Variants in FRS2 observed in about 807,000 individuals in gnomAD.
FRS2 encodes the protein fibroblast growth factor receptor substrate 2.
A neutral mutation model predicts 43.9 loss-of-function variants in FRS2; 8 were observed. The observed-to-expected ratio is 0.18, with a 90% confidence interval of 0.11 to 0.33. The LOEUF (loss-of-function observed/expected upper bound fraction) is 0.33. Ranked by LOEUF, FRS2 falls within the 10% of genes least tolerant of loss-of-function variation. The pLI, the probability that FRS2 is intolerant of heterozygous loss-of-function variation, is 1.00. For synonymous variants in FRS2, 219 were observed against 220.3 expected (o/e 0.99, Z 0.05); for missense variants, 534 against 627.6 (o/e 0.85, Z 1.59).
At chr12:69,544,018 T>C (rs117103665) in intron 3 of FRS2, among the ~76,000 whole-genome samples, 1,747 of 140,500 alleles carry the variant, frequency 0.012, 13 homozygotes, top group Non-Finnish European at 0.017. Flanking sequence ...GGACAAAAAA[T>C]GACAAATGGG....
rs1000709287 is a variant in FRS2 at position 69,576,240 on chromosome 12, T to C, written c.*1285T>C. The stretch of plus-strand genomic sequence containing the variant: ...TGCCCACTCTAGTGTTCCTCAGCTC[T>C]GCTGTCCTTTTACTTGTAGCTGGAT... On this transcript the variant is annotated 3_prime_UTR_variant, in exon 9 of 9. Coordinates refer to ENST00000549921, the MANE Select transcript of FRS2 (RefSeq NM_001278356.2). 5.9e-5 allele frequency: 9 copies of C among 152,310 alleles called. No individual in the cohort carries two copies. The highest frequency in any genetic ancestry group is 1.9e-4 in the African/African-American group (8 of 41,472). The allele number at this position is 152,310 out of a possible 1,614,324, so 9.4% of individuals were successfully genotyped here. A position where few individuals can be genotyped will look rare whatever the true frequency, so the allele number is the denominator to read the frequency against.
rs1339489896 is a variant in FRS2 at position 69,577,165 on chromosome 12, A to T, written c.*2210A>T. On this transcript the variant is annotated 3_prime_UTR_variant, in exon 9 of 9. Coordinates refer to ENST00000549921, the MANE Select transcript of FRS2 (RefSeq NM_001278356.2). ...ATTCTAATTAGTTTTTATTTTTTTT[A>T]GATAACTCCAATATAATCATTACAG... 2 of 152,080 alleles carry T rather than the reference A, an allele frequency of 1.3e-5. No homozygotes were observed. Among genetic ancestry groups the T allele is most frequent in the East Asian group, 3.9e-4 (2 of 5,172 alleles). 9.4% of individuals were successfully genotyped at this position (152,080 alleles called of 1,614,324 possible).
At chr12:69,478,714 A>G (rs537631294) in intron 1 of FRS2, among the ~76,000 whole-genome samples, 13 of 136,508 alleles carry the variant, frequency 9.5e-5, no homozygotes, top group African/African-American at 3.4e-4. Context: ...TTACAAAGAC[A>G]TACATCATTA....
At chr12:69,550,664 G>T (rs1205968792) in intron 3 of FRS2, among the ~76,000 whole-genome samples, 2 of 152,188 alleles carry the variant, frequency 1.3e-5, no homozygotes, top group Non-Finnish European at 2.9e-5. Flanking sequence ...CATTTAGATA[G>T]CAGAGATATT....
intron 1 of FRS2, among the ~76,000 whole-genome samples, chr12:69,482,702 G>A (rs1298390451): frequency 6.6e-6 from 1 of 152,180 alleles, no homozygotes; most frequent in African/African-American, 2.4e-5. Flanking sequence ...TATATCTGTT[G>A]AAACTGTTTT....
At chr12:69,523,312 T>C (rs1875874737) in intron 1 of FRS2, among the ~76,000 whole-genome samples, 1 of 152,218 alleles carries the variant, frequency 6.6e-6, no homozygotes, top group Admixed American at 6.5e-5. Context: ...TCTTGTTGAA[T>C]TGAACCTTTT....
At chr12:69,470,815 AC>A (rs1008678691) in intron 1 of FRS2, among the ~76,000 whole-genome samples, 1 of 151,120 alleles carries the variant, frequency 6.6e-6, no homozygotes, top group African/African-American at 2.4e-5. Context: ...CGTCCGTCCG[AC>A]CCCCCTCATG....
chr12:69,574,062 G>T lies in FRS2; in HGVS notation c.634G>T (p.Val212Leu), dbSNP rs766371787. The T allele has an allele frequency of 3.1e-6, 5 of 1,614,200 alleles. No homozygotes were observed. Among genetic ancestry groups the T allele is most frequent in the South Asian group, 1.1e-5 (1 of 91,090 alleles). Residue 212 changes from valine to leucine, a missense_variant, in exon 9 of 9, where the codon GTG becomes TTG. This residue lies in a region of FRS2 where 446 missense variants were observed against 494.2 expected (regional missense o/e 0.90). Transcript: ENST00000549921. ...AGAAGAGCGGAAAAACCGCACAAGTGTGCATGTTCCATTGGAGGCGAGGGT... is the reference window on the plus strand; with the variant it reads ...AGAAGAGCGGAAAAACCGCACAAGTTTGCATGTTCCATTGGAGGCGAGGGT... Reference protein sequence around the residue: ...VQEERKNRTSVHVPLEARVSN... With the variant: ...VQEERKNRTSLHVPLEARVSN...
At chr12:69,542,859 C>G (rs1010937438) in intron 3 of FRS2, among the ~76,000 whole-genome samples, 1 of 152,104 alleles carries the variant, frequency 6.6e-6, no homozygotes, top group East Asian at 1.9e-4. Flanking sequence ...TCACCTTCAC[C>G]CAGGCTCATC....
chr12:69,493,695 T>C (rs943583921), intron 1 of FRS2, among the ~76,000 whole-genome samples: 1 of 152,158 alleles, frequency 6.6e-6, no homozygotes, highest in African/African-American at 2.4e-5. Flanking sequence ...CACTCCAGCC[T>C]GGGCAACAAG....
At chr12:69,509,641 C>CT in intron 1 of FRS2, among the ~76,000 whole-genome samples, 1 of 152,102 alleles carries the variant, frequency 6.6e-6, no homozygotes, top group East Asian at 1.9e-4. Context: ...TACTTTCTGT[C>CT]TTTATCAGCT....
At chr12:69,564,432 A>G (rs897460205) in intron 4 of FRS2, among the ~76,000 whole-genome samples, 2 of 152,026 alleles carry the variant, frequency 1.3e-5, no homozygotes, top group African/African-American at 4.8e-5. Context: ...GTACTTAACT[A>G]TTGCACTTGG....
intron 3 of FRS2, among the ~76,000 whole-genome samples, chr12:69,532,896 A>T (rs1269690480): frequency 6.6e-6 from 1 of 152,228 alleles, no homozygotes; most frequent in Non-Finnish European, 1.5e-5. Context: ...AGAGAATTAT[A>T]CATCAGGTAA....
intron 3 of FRS2, among the ~76,000 whole-genome samples, chr12:69,557,572 C>T (rs1879462041): frequency 6.9e-6 from 1 of 145,294 alleles, no homozygotes; most frequent in South Asian, 2.2e-4. Context: ...CTAAGAGTTT[C>T]TTTGAGAGTT....
chr12:69,556,008 CG>C (rs10666921), intron 3 of FRS2, among the ~76,000 whole-genome samples: 26,284 of 123,186 alleles, frequency 0.21, 2,690 homozygotes, highest in East Asian at 0.39. Flanking sequence ...GTGTGTGTGG[CG>C]GGGGGGGGGG....
intron 4 of FRS2, among the ~76,000 whole-genome samples, chr12:69,568,360 G>T (rs1046512525): frequency 1.3e-5 from 2 of 152,158 alleles, no homozygotes; most frequent in African/African-American, 4.8e-5. Context: ...CAAAATACCT[G>T]CCAAGCCAGA....
chr12:69,530,024 A>T (rs1040790451), intron 1 of FRS2, among the ~76,000 whole-genome samples: 1 of 152,196 alleles, frequency 6.6e-6, no homozygotes, highest in Non-Finnish European at 1.5e-5. Flanking sequence ...ACTGTACTCC[A>T]GCTTGGGCAA....
rs554743601 is a variant in FRS2, at chr12:69,576,374, G to A, written c.*1419G>A. 7.2e-5 allele frequency: 11 copies of A among 152,266 alleles called. No individual in the cohort carries two copies. The highest frequency in any genetic ancestry group is 2.6e-4 in the African/African-American group (11 of 41,564). 9.4% of individuals were successfully genotyped at this position (152,266 alleles called of 1,614,324 possible). A position where few individuals can be genotyped will look rare whatever the true frequency, so the allele number is the denominator to read the frequency against. On this transcript the variant is annotated 3_prime_UTR_variant, in exon 9 of 9. Transcript: ENST00000549921. ...TGTATCATAATTTAGGATTTAAAAT[G>A]AATTAAAGTTTATATAAACTGAAGA...
chr12:69,576,841 C>G lies in FRS2; in HGVS notation c.*1886C>G, dbSNP rs903529704. The G allele has an allele frequency of 6.6e-6, 1 of 152,638 alleles. No homozygotes were observed. The highest frequency in any genetic ancestry group is 1.5e-5 in the Non-Finnish European group (1 of 68,040). The allele number at this position is 152,638 out of a possible 1,614,324, so 9.5% of individuals were successfully genotyped here. ...AACTTGGTGCTTATTAAAGTGCTCA[C>G]TGTTCTCTTAAAAGAGAGCAGTGGT... On this transcript the variant is annotated 3_prime_UTR_variant, in exon 9 of 9. Transcript: ENST00000549921.
Sources: allele counts gnomAD v4.1 joint callset (sites outside exome capture counted in the v4.1 genomes callset), GRCh38; gene constraint gnomAD v4.1.1; regional missense constraint gnomAD v4.1.1; transcripts MANE v1.5; gene names NCBI Gene and HGNC (gene_info 2026-07-23, HGNC 2026-07-21).